The following OSBP2 variants were observed in gnomAD, a reference collection of about 807,000 sequenced individuals.
OSBP2 encodes oxysterol-binding protein 2.
A neutral mutation model predicts 96.0 loss-of-function variants in OSBP2; 66 were observed. The ratio of observed to expected loss-of-function variants is 0.69; its 90% confidence interval spans 0.56 to 0.84. The LOEUF (loss-of-function observed/expected upper bound fraction) is 0.84. Among genes scored for constraint, OSBP2 ranks in the 40% least tolerant of loss-of-function variants. OSBP2 has a pLI of 0.00. For synonymous variants in OSBP2, 525 were observed against 520.9 expected (o/e 1.01, Z -0.11); for missense variants, 1,038 against 1,222.7 (o/e 0.85, Z 2.25).
At chr22:30,786,433 A>C (rs1283107145) in intron 2 of OSBP2, among the ~76,000 whole-genome samples, 3 of 152,042 alleles carry the variant, frequency 2.0e-5, no homozygotes, top group Non-Finnish European at 4.4e-5. Context: ...AAAATCAATG[A>C]CACCTGCCAG....
At chr22:30,722,496 C>T (rs1005778626) in intron 1 of OSBP2, among the ~76,000 whole-genome samples, 5 of 151,966 alleles carry the variant, frequency 3.3e-5, no homozygotes, top group African/African-American at 1.2e-4. Flanking sequence ...ACCAACATAC[C>T]TAAAAATTTA....
At chr22:30,825,476 T>C (rs2038380447) in intron 2 of OSBP2, among the ~76,000 whole-genome samples, 1 of 152,190 alleles carries the variant, frequency 6.6e-6, no homozygotes, top group South Asian at 2.1e-4. Flanking sequence ...AGTCTGTCAA[T>C]CACCTATGTA....
chr22:30,870,598 G>C lies in OSBP2; in HGVS notation c.1023G>C (p.Lys341Asn). ...QRSLTELDGLKIPSESGEKLK... is the reference protein window; with the variant it reads ...QRSLTELDGLNIPSESGEKLK... ...CCCTGACAGAGCTGGACGGCCTCAA[G>C]ATCCCATCTGAGAGTGGGGAGAAGC... is the stretch of plus-strand genomic sequence containing the variant. The change falls in exon 3 of 14, where the codon AAG (lysine) becomes AAC (asparagine). Residue 341 changes from lysine to asparagine, a missense_variant. By Grantham distance (94) the Lys-to-Asn change is moderately conservative (BLOSUM62 0). This residue lies in a region of OSBP2 where 737 missense variants were observed against 913.3 expected (regional missense o/e 0.81). Coordinates refer to ENST00000332585, the MANE Select transcript of OSBP2 (RefSeq NM_030758.4). This position sits in a 1 kb window ranked among gnomAD's most constrained non-coding sequence, Gnocchi z 4.1. The C allele has an allele frequency of 1.2e-6, 2 of 1,614,000 alleles. No homozygotes were observed. Among genetic ancestry groups the C allele is most frequent in the Non-Finnish European group, 1.7e-6 (2 of 1,179,988 alleles).
rs1394113039 is a variant in OSBP2 at position 30,906,259 on chromosome 22, G to A, written c.2671G>A (p.Glu891Lys). ...GAAGAGGCTGGATCCGCTGACCGGGGAGATGGCCTGTGTGTACAAGGGCGG... is the reference window on the plus strand; with the variant it reads ...GAAGAGGCTGGATCCGCTGACCGGGAAGATGGCCTGTGTGTACAAGGGCGG... ...FEKRLDPLTGEMACVYKGGYW... is the reference protein window; with the variant it reads ...FEKRLDPLTGKMACVYKGGYW... The change falls in exon 14 of 14, where the codon GAG becomes AAG. Residue 891 changes from glutamate to lysine, a missense_variant. This residue lies in a region of OSBP2 where 737 missense variants were observed against 913.3 expected (regional missense o/e 0.81). Coordinates refer to ENST00000332585, the MANE Select transcript of OSBP2 (RefSeq NM_030758.4). The A allele has an allele frequency of 1.2e-6, 2 of 1,614,212 alleles. No homozygotes were observed. The highest frequency in any genetic ancestry group is 2.2e-5 in the East Asian group (1 of 44,884).
intron 1 of OSBP2, among the ~76,000 whole-genome samples, chr22:30,726,299 A>G (rs554347543): frequency 1.3e-5 from 2 of 152,366 alleles, no homozygotes; most frequent in South Asian, 4.1e-4. Flanking sequence ...AATACTATGC[A>G]GCCATAGAAA....
intron 2 of OSBP2, among the ~76,000 whole-genome samples, chr22:30,828,650 G>A (rs768176134): frequency 6.6e-6 from 1 of 152,234 alleles, no homozygotes; most frequent in Non-Finnish European, 1.5e-5. Context: ...GGCACTGTAT[G>A]TAAGAGTGTC....
chr22:30,884,451 C>T (rs1374704597), intron 3 of OSBP2, among the ~76,000 whole-genome samples: 2 of 152,214 alleles, frequency 1.3e-5, no homozygotes, highest in African/African-American at 4.8e-5. Context: ...GATAGTGCAC[C>T]CCTGGCCACC....
intron 12 of OSBP2, among the ~76,000 whole-genome samples, chr22:30,901,232 C>T (rs1188945104): frequency 2.0e-5 from 3 of 152,064 alleles, no homozygotes; most frequent in East Asian, 1.9e-4. Context: ...CCACGCCCGA[C>T]TAATTTTTGT....
At chr22:30,801,498 C>T (rs2090851199) in intron 2 of OSBP2, among the ~76,000 whole-genome samples, 2 of 152,236 alleles carry the variant, frequency 1.3e-5, no homozygotes, top group East Asian at 1.9e-4. Context: ...TTGTAGCAGC[C>T]GTGGTCAGTG....
In OSBP2 at chr22:30,718,486, A is replaced by ACCTGT. The variant is rs1178994813; in HGVS notation, c.645-22674_645-22670dup. Among the ~76,000 whole-genome samples, 3 of 152,298 alleles carry ACCTGT rather than the reference A, an allele frequency of 2.0e-5. No homozygotes were observed. In the East Asian group the frequency reaches 5.8e-4, roughly 29 times the overall value. On this transcript the variant is annotated intron_variant, in intron 1 of 13. Transcript: ENST00000332585. ...GAGGAGAGATGAGATATAAAAGATG[A>ACCTGT]CCTGTATGCTTGGCACTGGGCTTGG...
intron 2 of OSBP2, among the ~76,000 whole-genome samples, chr22:30,864,221 C>T (rs929895042): frequency 1.1e-4 from 17 of 152,118 alleles, no homozygotes; most frequent in African/African-American, 3.9e-4. Flanking sequence ...ATCCGCCCAC[C>T]GCAGCCTCCC....
At chr22:30,899,402 CAA>C (rs59384656) in intron 12 of OSBP2, among the ~76,000 whole-genome samples, 49 of 86,514 alleles carry the variant, frequency 5.7e-4, no homozygotes, top group Admixed American at 1.2e-3. Flanking sequence ...GACCCTATCT[CAA>C]AAAAAAAAAA....
intron 1 of OSBP2, among the ~76,000 whole-genome samples, chr22:30,717,958 C>T (rs914423820): frequency 7.9e-5 from 12 of 152,184 alleles, no homozygotes; most frequent in Admixed American, 1.3e-4. Context: ...GTGATTTAAA[C>T]TCTGAGGTTA....
intron 1 of OSBP2, among the ~76,000 whole-genome samples, chr22:30,700,722 G>C (rs1011869170): frequency 2.0e-5 from 3 of 152,082 alleles, no homozygotes; most frequent in African/African-American, 7.2e-5. Flanking sequence ...AAGCCAGTTA[G>C]CAAGGAATGC....
intron 1 of OSBP2, among the ~76,000 whole-genome samples, chr22:30,728,518 A>G (rs2089691711): frequency 6.6e-6 from 1 of 151,894 alleles, no homozygotes; most frequent in Non-Finnish European, 1.5e-5. Context: ...TTTTGTAGAG[A>G]CAGGGTCTAG....
At chr22:30,807,741 A>G (rs552732898) in intron 2 of OSBP2, among the ~76,000 whole-genome samples, 1 of 152,060 alleles carries the variant, frequency 6.6e-6, no homozygotes, top group East Asian at 1.9e-4. Context: ...TCCCTGCCTA[A>G]ATCCAGAGCA....
chr22:30,869,223 G>A (rs2039409897), intron 2 of OSBP2, among the ~76,000 whole-genome samples: 1 of 152,192 alleles, frequency 6.6e-6, no homozygotes, highest in Non-Finnish European at 1.5e-5. Flanking sequence ...CGTGGGAGCT[G>A]GCAGAGGGCA....
chr22:30,753,974 A>G (rs998799409), intron 2 of OSBP2, among the ~76,000 whole-genome samples: 1 of 152,156 alleles, frequency 6.6e-6, no homozygotes, highest in Admixed American at 6.5e-5. Context: ...TTGGGGCTGG[A>G]TGACACATTG....
intron 1 of OSBP2, among the ~76,000 whole-genome samples, chr22:30,715,116 G>A (rs1341874228): frequency 1.3e-5 from 2 of 151,292 alleles, no homozygotes; most frequent in Admixed American, 1.3e-4. Context: ...AGGTTAGCCT[G>A]GAACTCCTGG....
Sources: gnomAD v4.1 joint callset for allele counts (sites outside exome capture counted in the v4.1 genomes callset) on GRCh38, gnomAD v4.1.1 for gene constraint, gnomAD v4.1.1 regional missense constraint, Gnocchi (gnomAD v3.1) non-coding constraint, MANE v1.5 for transcripts, NCBI Gene and HGNC (gene_info 2026-07-23, HGNC 2026-07-21) for gene names.